Variants in MTM1 observed in about 807,000 individuals in gnomAD.
MTM1 encodes myotubularin.
A neutral mutation model predicts 52.1 loss-of-function variants in MTM1; 9 were observed. That is an observed-to-expected ratio of 0.17 (90% CI 0.10 to 0.30). The LOEUF (loss-of-function observed/expected upper bound fraction) is 0.30. MTM1 is among the 10% of genes least tolerant of loss of function. The pLI, the probability that MTM1 is intolerant of heterozygous loss-of-function variation, is 1.00. For synonymous variants in MTM1, 136 were observed against 163.8 expected (o/e 0.83, Z 1.29); for missense variants, 277 against 470.7 (o/e 0.59, Z 3.81).
In MTM1 at chrX:150,663,509, C is replaced by T; in HGVS notation, c.1544C>T (p.Thr515Ile). The change falls in exon 14 of 15, where the codon ACT (threonine) becomes ATT (isoleucine). Residue 515 changes from threonine to isoleucine, a missense_variant. Thr to Ile is a moderately conservative substitution (Grantham distance 89). This residue lies in a region of MTM1 where 59 missense variants were observed against 107.8 expected (regional missense o/e 0.55). Coordinates refer to ENST00000370396, the MANE Select transcript of MTM1 (RefSeq NM_000252.3). ...GAAAAATTCAAAAACCCCTTCTATA[C>T]TAAAGAAATCAATCGAGTTTTATAT... ...NKEKFKNPFY[T>I]KEINRVLYPV... The T allele has an allele frequency of 8.3e-7, 1 of 1,210,939 alleles. No individual in the cohort carries two copies. The highest frequency in any genetic ancestry group is 1.1e-6 in the Non-Finnish European group (1 of 894,815).
At chrX:150,656,950 G>A (rs1344448218) in intron 10 of MTM1, among the ~76,000 whole-genome samples, 3 of 111,301 alleles carry the variant, frequency 2.7e-5, no homozygotes, top group African/African-American at 6.5e-5. Context: ...TTAGAATGGC[G>A]ATCATTAAAA....
intron 8 of MTM1, among the ~76,000 whole-genome samples, chrX:150,642,282 C>T (rs982891859): frequency 9.0e-6 from 1 of 110,862 alleles, no homozygotes; most frequent in Non-Finnish European, 1.9e-5. Context: ...GCCATAAAAC[C>T]GCAGAAGTGA....
rs1333683211 is a variant in MTM1, at chrX:150,592,801, T to A, written c.63+124T>A. On this transcript the variant is annotated intron_variant, in intron 2 of 14. Coordinates refer to ENST00000370396, the MANE Select transcript of MTM1 (RefSeq NM_000252.3). Reference sequence around the variant, plus strand: ...TATTATTCATTCACATATAAATACATTTATACATGTGGTTTCTTTATTGTC... The same window carrying A: ...TATTATTCATTCACATATAAATACAATTATACATGTGGTTTCTTTATTGTC... 8 of 498,551 alleles carry A rather than the reference T, an allele frequency of 1.6e-5. No individual in the cohort carries two copies. In the African/African-American group the frequency reaches 1.7e-4, roughly 10 times the overall value. 41.1% of individuals were successfully genotyped at this position (498,551 alleles called of 1,213,427 possible).
chrX:150,613,712 G>A (rs984545868), intron 4 of MTM1, among the ~76,000 whole-genome samples: 4 of 111,921 alleles, frequency 3.6e-5, no homozygotes, highest in Admixed American at 2.8e-4. Context: ...GAGATGATGC[G>A]TGCAAAGCCC....
At chrX:150,598,235 C>T (rs781825657) in intron 3 of MTM1, among the ~76,000 whole-genome samples, 3 of 112,395 alleles carry the variant, frequency 2.7e-5, no homozygotes, top group South Asian at 3.7e-4. Context: ...GGTGAGTTGC[C>T]GTCCTCTGGC....
chrX:150,648,927 C>CT (rs2039976671), intron 9 of MTM1, among the ~76,000 whole-genome samples: 1 of 112,420 alleles, frequency 8.9e-6, no homozygotes, highest in Admixed American at 9.4e-5. Context: ...ACCTATGTGA[C>CT]TTAGGGGATA....
upstream of MTM1, among the ~76,000 whole-genome samples, chrX:150,563,559 T>C (rs1269359529): frequency 9.6e-6 from 1 of 104,122 alleles, no homozygotes; most frequent in Non-Finnish European, 2.0e-5. Context: ...GTGATCTGCT[T>C]GCCTCGGCCT....
In MTM1 at chrX:150,641,384, G is replaced by A. The variant is rs781904918; in HGVS notation, c.644G>A (p.Arg215Lys). ...PYRASDDDLR[R>K]VATFRSRNRI... ...CGTGCCTCAGATGATGACCTCCGGA[G>A]AGTTGCAACTTTTAGGTCCCGAAAT... The change falls in exon 8 of 15, where the codon AGA becomes AAA. Residue 215 changes from arginine (R) to lysine (K), a missense_variant. Coordinates refer to ENST00000370396, the MANE Select transcript of MTM1 (RefSeq NM_000252.3). 1.7e-6 allele frequency: 2 copies of A among 1,211,714 alleles called. No individual in the cohort carries two copies. Among genetic ancestry groups the A allele is most frequent in the Non-Finnish European group, 2.2e-6 (2 of 895,437 alleles).
chrX:150,642,979 AT>A (rs2039872974), intron 8 of MTM1, among the ~76,000 whole-genome samples: 1 of 111,720 alleles, frequency 9.0e-6, no homozygotes, highest in South Asian at 3.8e-4. Context: ...ACCAATTTGT[AT>A]TTATTTTTTC....
At chrX:150,652,604 C>CAT (rs201667752) in intron 10 of MTM1, among the ~76,000 whole-genome samples, 4,103 of 92,091 alleles carry the variant, frequency 0.045, 126 homozygotes, top group Middle Eastern at 0.089. Context: ...TATATATATA[C>CAT]ATATATATAT....
chrX:150,671,360 G>T, intron 14 of MTM1, 68 bp from the exon 15 acceptor site: 1 of 1,139,599 alleles, frequency 8.8e-7, no homozygotes, highest in South Asian at 1.8e-5. Context: ...ACAGCAGATG[G>T]GTGGAACACG....
Position 150,583,910 on chromosome X carries a change from A to ATATATT in MTM1, c.-10-8693_-10-8692insTATTTA, listed in dbSNP as rs1557412120. 7.5e-3 allele frequency among the ~76,000 whole-genome samples: 309 copies of ATATATT among 41,188 alleles called. 33 individuals carry two copies. Among genetic ancestry groups the ATATATT allele is most frequent in the Non-Finnish European group, 9.3e-3 (206 of 22,071 alleles). 35.8% of individuals were successfully genotyped at this position (41,188 alleles called of 115,157 possible). A position where few individuals can be genotyped will look rare whatever the true frequency, so the allele number is the denominator to read the frequency against. On this transcript the variant is annotated intron_variant, in intron 1 of 14. Coordinates refer to ENST00000370396, the MANE Select transcript of MTM1 (RefSeq NM_000252.3). ...ATATATATATTTGATATATATATAT[A>ATATATT]TAATATAAAATATATATTAAATTAA...
At chrX:150,612,212 C>A (rs932575138) in intron 4 of MTM1, among the ~76,000 whole-genome samples, 2 of 109,440 alleles carry the variant, frequency 1.8e-5, no homozygotes, top group African/African-American at 6.7e-5. Flanking sequence ...AAAAGATTGG[C>A]GATTTTCATT....
In MTM1 at chrX:150,672,476, A is replaced by G. The variant is rs886077126; in HGVS notation, c.*881A>G. On this transcript the variant is annotated 3_prime_UTR_variant, in exon 15 of 15. Coordinates refer to ENST00000370396, the MANE Select transcript of MTM1 (RefSeq NM_000252.3). ...AATGTAGGGCTACCGTCTTGGATGC[A>G]TGAGCTATTGCTAGAGCATCATCCT... 2 of 112,042 alleles carry G rather than the reference A, an allele frequency of 1.8e-5. No homozygotes were observed. Among genetic ancestry groups the G allele is most frequent in the African/African-American group, 6.5e-5 (2 of 30,806 alleles). The allele number at this position is 112,042 out of a possible 1,213,427, so 9.2% of individuals were successfully genotyped here.
chrX:150,585,381 T>C (rs1469780272), intron 1 of MTM1, among the ~76,000 whole-genome samples: 3 of 111,724 alleles, frequency 2.7e-5, no homozygotes, highest in Non-Finnish European at 5.6e-5. Context: ...GGGCTTTTCT[T>C]TGGGGTCCTT....
intron 8 of MTM1, among the ~76,000 whole-genome samples, chrX:150,642,048 C>A (rs1460712593): frequency 1.8e-5 from 2 of 109,529 alleles, no homozygotes; most frequent in Non-Finnish European, 3.8e-5. Flanking sequence ...AGGTATTCTC[C>A]CCTGCTAATT....
intron 4 of MTM1, among the ~76,000 whole-genome samples, chrX:150,601,732 C>G (rs904317428): frequency 3.6e-5 from 4 of 112,265 alleles, no homozygotes; most frequent in African/African-American, 1.3e-4. Flanking sequence ...CCGTCTCCAG[C>G]GTGTTCGTCC....
At chrX:150,634,440 C>T (rs1191330641) in intron 6 of MTM1, among the ~76,000 whole-genome samples, 1 of 112,353 alleles carries the variant, frequency 8.9e-6, no homozygotes, top group Non-Finnish European at 1.9e-5. Flanking sequence ...CCACAAGTTA[C>T]AATGATAAAT....
At chrX:150,568,337 T>A (rs1326922577), upstream of MTM1, among the ~76,000 whole-genome samples, 2 of 113,315 alleles carry the variant, frequency 1.8e-5, no homozygotes, top group Admixed American at 9.2e-5. Context: ...GGATGGCCCC[T>A]GGCATCTTGG....
Sources: gnomAD v4.1 joint callset for allele counts (sites outside exome capture counted in the v4.1 genomes callset) on GRCh38, gnomAD v4.1.1 for gene constraint, gnomAD v4.1.1 regional missense constraint, MANE v1.5 for transcripts, NCBI Gene and HGNC (gene_info 2026-07-23, HGNC 2026-07-21) for gene names.